ERCC1: variants seen among roughly 807,000 people sequenced by gnomAD.
ERCC1 encodes ERCC excision repair 1, endonuclease non-catalytic subunit.
In ERCC1, 36 loss-of-function variants were observed where a neutral mutation model predicts 37.6. The observed-to-expected ratio is 0.96, with a 90% CI of 0.73 to 1.26. The LOEUF is 1.26. ERCC1 is among the 50% of genes most tolerant of loss of function. The pLI is 0.00. For missense variants in ERCC1, 349 were observed against 376.5 expected, an observed-to-expected ratio of 0.93 and a Z score of 0.60; for synonymous variants, 156 against 162.1, an observed-to-expected ratio of 0.96 and a Z score of 0.28.
At chr19:45,423,654 C>T (rs1156548099) in intron 1 of ERCC1, 127 bp downstream of exon 1, 1 of 1,291,298 alleles carries the variant, frequency 7.7e-7, no homozygotes, top group Non-Finnish European at 9.9e-7. Flanking sequence ...CCCCGCCTTC[C>T]GTTCGTCCGG....
chr19:45,429,664 C>T (rs532003872), intron 1 of ERCC1, among the ~76,000 whole-genome samples: 55 of 152,266 alleles, frequency 3.6e-4, no homozygotes, highest in African/African-American at 1.2e-3. Flanking sequence ...CCATTCTCCA[C>T]TTGTCACGAT....
chr19:45,446,017 T>C (rs1966930362), intron 1 of ERCC1, among the ~76,000 whole-genome samples: 1 of 152,076 alleles, frequency 6.6e-6, no homozygotes, highest in South Asian at 2.1e-4. Context: ...GCCTCCCAAG[T>C]AGCTAGGATT....
intron 9 of ERCC1, among the ~76,000 whole-genome samples, chr19:45,410,973 G>A (rs191669189): frequency 7.0e-4 from 107 of 152,160 alleles, no homozygotes; most frequent in African/African-American, 2.5e-3. Flanking sequence ...ACAGGCACGC[G>A]CCACCACACC....
At chr19:45,445,553 T>TG (rs1304058570) in intron 1 of ERCC1, among the ~76,000 whole-genome samples, 1 of 152,108 alleles carries the variant, frequency 6.6e-6, no homozygotes, top group African/African-American at 2.4e-5. Flanking sequence ...CTATTTTAAA[T>TG]GGGATGGTCA....
At position 45,409,170 on chromosome 19, in the gene ERCC1, CAG is replaced by C; in HGVS notation, c.*503_*504del. 6.2e-7 allele frequency: 1 copy of C among 1,613,548 alleles called. No homozygotes were observed. Among genetic ancestry groups the C allele is most frequent in the Non-Finnish European group, 8.5e-7 (1 of 1,179,700 alleles). On this transcript the variant is annotated 3_prime_UTR_variant, in exon 10 of 10. Coordinates refer to ENST00000300853, the MANE Select transcript of ERCC1 (RefSeq NM_001983.4). ...CAAGATGCCACAGTGGAGCCAGAGA[CAG>C]AGGTGGTGGGGCCTGAGCTGCCGGA... is the stretch of plus-strand genomic sequence containing the variant.
chr19:45,413,917 G>C, intron 8 of ERCC1, 46 bp downstream of exon 8: 2 of 1,597,366 alleles, frequency 1.3e-6, no homozygotes, highest in East Asian at 2.2e-5. Flanking sequence ...TTCTAAAAAA[G>C]GCAAGGGGAC....
intron 1 of ERCC1, among the ~76,000 whole-genome samples, chr19:45,447,751 T>G (rs1348399651): frequency 1.3e-5 from 2 of 152,172 alleles, no homozygotes; most frequent in African/African-American, 4.8e-5. Context: ...ACCTATTATG[T>G]ACCATGAGAA....
At chr19:45,414,331 G>A (rs3212974) in intron 7 of ERCC1, 154 of 447,950 alleles carry the variant, frequency 3.4e-4, no homozygotes, top group African/African-American at 2.9e-3. Flanking sequence ...ACAAAAATTA[G>A]ACAGGCATGG....
intron 1 of ERCC1, among the ~76,000 whole-genome samples, chr19:45,434,574 A>G (rs1191762204): frequency 2.0e-5 from 3 of 152,074 alleles, no homozygotes; most frequent in Non-Finnish European, 2.9e-5. Context: ...CTTGTCTTAC[A>G]GCATTTTTTT....
Position 45,408,527 on chromosome 19 carries a change from A to T in ERCC1, c.*1148T>A. 1 of 1,613,996 alleles carries T rather than the reference A, an allele frequency of 6.2e-7. No homozygotes were observed. The highest frequency in any genetic ancestry group is 8.5e-7 in the Non-Finnish European group (1 of 1,179,994). Reference sequence around the variant, plus strand: ...GATGCAGGTGACAGAGGCCCCAGTCACTCAGGAGGCAGTGAATGGGCACGG... The same window carrying T: ...GATGCAGGTGACAGAGGCCCCAGTCTCTCAGGAGGCAGTGAATGGGCACGG... On this transcript the variant is annotated 3_prime_UTR_variant, in exon 10 of 10. Transcript: ENST00000300853.
chr19:45,426,567 ATT>A (rs1212508216), upstream of ERCC1, among the ~76,000 whole-genome samples: 29 of 149,666 alleles, frequency 1.9e-4, no homozygotes, highest in African/African-American at 7.2e-4. Flanking sequence ...AAAAAAAAAA[ATT>A]TTTTTTGAGA....
intron 2 of ERCC1, among the ~76,000 whole-genome samples, chr19:45,422,904 C>T (rs1334280623): frequency 6.6e-6 from 1 of 152,162 alleles, no homozygotes; most frequent in African/African-American, 2.4e-5. Context: ...TTCAATATTG[C>T]CAGGTCCTTC....
In ERCC1 at chr19:45,408,073, C is replaced by T; in HGVS notation, c.*1602G>A. 6.7e-7 allele frequency: 1 copy of T among 1,487,222 alleles called. No homozygotes were observed. The highest frequency in any genetic ancestry group is 8.9e-7 in the Non-Finnish European group (1 of 1,118,608). 92.1% of individuals were successfully genotyped at this position (1,487,222 alleles called of 1,614,324 possible). A position where few individuals can be genotyped will look rare whatever the true frequency, so the allele number is the denominator to read the frequency against. Reference sequence around the variant, plus strand: ...TCTCAAAAAAAAACAAAAAAAAAATCAAAAAACCTTCCCTCTCCTGTTCCA... The same window carrying T: ...TCTCAAAAAAAAACAAAAAAAAAATTAAAAAACCTTCCCTCTCCTGTTCCA... On this transcript the variant is annotated 3_prime_UTR_variant, in exon 10 of 10. Coordinates refer to ENST00000300853, the MANE Select transcript of ERCC1 (RefSeq NM_001983.4).
intron 1 of ERCC1, among the ~76,000 whole-genome samples, chr19:45,435,072 G>A (rs1974940506): frequency 6.6e-6 from 1 of 151,764 alleles, no homozygotes; most frequent in African/African-American, 2.4e-5. Context: ...CATGAGCCAT[G>A]GTGCCTGGCC....
chr19:45,441,540 A>G (rs1346627201), intron 1 of ERCC1, among the ~76,000 whole-genome samples: 4 of 152,052 alleles, frequency 2.6e-5, no homozygotes, highest in Non-Finnish European at 5.9e-5. Flanking sequence ...AGCCTGGCTA[A>G]TTTTTGTATT....
At chr19:45,423,033 A>T (rs1449903147) in intron 2 of ERCC1, among the ~76,000 whole-genome samples, 1 of 152,186 alleles carries the variant, frequency 6.6e-6, no homozygotes. Context: ...CGTAAAACAC[A>T]TCAGGGGCTA....
intron 1 of ERCC1, among the ~76,000 whole-genome samples, chr19:45,434,544 G>A (rs1974924532): frequency 1.3e-5 from 2 of 151,930 alleles, no homozygotes; most frequent in African/African-American, 2.4e-5. Flanking sequence ...CCTTCCAATC[G>A]TTGCATCTCA....
At chr19:45,428,493 C>T (rs887199381), upstream of ERCC1, among the ~76,000 whole-genome samples, 1 of 152,218 alleles carries the variant, frequency 6.6e-6, no homozygotes, top group Admixed American at 6.5e-5. Context: ...ATCCAAGCTC[C>T]GATTCCGCCT....
intron 1 of ERCC1, among the ~76,000 whole-genome samples, chr19:45,436,037 A>G (rs1407700043): frequency 6.6e-6 from 1 of 152,050 alleles, no homozygotes; most frequent in African/African-American, 2.4e-5. Context: ...AAGTGCTGAG[A>G]TTACAGACAT....
Sources: allele counts gnomAD v4.1 joint callset (sites outside exome capture counted in the v4.1 genomes callset), GRCh38; gene constraint gnomAD v4.1.1; transcripts MANE v1.5; gene names NCBI Gene and HGNC (gene_info 2026-07-23, HGNC 2026-07-21).